ANKLE2: variants seen among roughly 807,000 people sequenced by gnomAD.
The protein encoded by ANKLE2 is ankyrin repeat and LEM domain-containing protein 2.
A neutral mutation model predicts 84.2 loss-of-function variants in ANKLE2; 55 were observed. The observed-to-expected ratio is 0.65, with a 90% CI of 0.53 to 0.82. The LOEUF (loss-of-function observed/expected upper bound fraction) is 0.82, where lower values mean the gene tolerates loss of function less well. Among genes scored for constraint, ANKLE2 ranks in the 40% least tolerant of loss-of-function variants. The pLI, the probability that ANKLE2 is intolerant of heterozygous loss-of-function variation, is 0.00. For synonymous variants in ANKLE2, 551 were observed against 486.1 expected (o/e 1.13, Z -1.76); for missense variants, 1,238 against 1,201.9 (o/e 1.03, Z -0.44).
chr12:132,739,858 A>G (rs1278441493), intron 7 of ANKLE2, among the ~76,000 whole-genome samples: 1 of 152,250 alleles, frequency 6.6e-6, no homozygotes, highest in Non-Finnish European at 1.5e-5. Flanking sequence ...CAGAAGGACC[A>G]GGAAGGAGGT....
intron 10 of ANKLE2, among the ~76,000 whole-genome samples, chr12:132,733,011 A>AC (rs2043917394): frequency 7.5e-6 from 1 of 133,598 alleles, no homozygotes; most frequent in Admixed American, 7.4e-5. Context: ...TCTGATATGC[A>AC]CTGTGTGAAG....
intron 2 of ANKLE2, among the ~76,000 whole-genome samples, chr12:132,752,993 T>TA (rs374135387): frequency 0.31 from 42,528 of 138,960 alleles, 7,115 homozygotes; most frequent in Non-Finnish European, 0.4. Flanking sequence ...CCCAGTCTCT[T>TA]AAAAAAAAAA....
rs984644712 is a variant in ANKLE2, at chr12:132,760,788, T to C, written c.181+830A>G. 3 of 152,192 alleles carry C rather than the reference T, an allele frequency of 2.0e-5. No individual in the cohort carries two copies. The South Asian group carries it at 6.2e-4, about 31-fold the overall frequency. The allele number at this position is 152,192 out of a possible 1,614,324, so 9.4% of individuals were successfully genotyped here. A position where few individuals can be genotyped will look rare whatever the true frequency, so the allele number is the denominator to read the frequency against. ...CAGGAACTTCATTTCACAGGCGTGATTCATCAGCCACTGGTGATCAACGCA... is the reference window on the plus strand; with the variant it reads ...CAGGAACTTCATTTCACAGGCGTGACTCATCAGCCACTGGTGATCAACGCA... On this transcript the variant is annotated intron_variant, in intron 1 of 12. Coordinates refer to ENST00000357997, the MANE Select transcript of ANKLE2 (RefSeq NM_015114.3).
chr12:132,734,594 A>T lies in ANKLE2; in HGVS notation c.1701-19T>A. 1 of 1,587,384 alleles carries T rather than the reference A, an allele frequency of 6.3e-7. No homozygotes were observed. Among genetic ancestry groups the T allele is most frequent in the Non-Finnish European group, 8.6e-7 (1 of 1,168,824 alleles). The stretch of plus-strand genomic sequence containing the variant: ...TAGCTCCCTGTAAGAAACAAAACAC[A>T]ATTAACCAGCTGTGAAACCAGAAAA... On this transcript the variant is annotated intron_variant, in intron 9 of 12. Coordinates refer to ENST00000357997, the MANE Select transcript of ANKLE2 (RefSeq NM_015114.3).
intron 1 of ANKLE2, chr12:132,761,162 CCT>C (rs2044615521): frequency 6.5e-6 from 1 of 154,738 alleles, no homozygotes; most frequent in Admixed American, 6.5e-5. Flanking sequence ...GCCCCAAACC[CCT>C]GAGTTACATT....
intron 1 of ANKLE2, chr12:132,760,020 G>A (rs2136193089): frequency 6.6e-6 from 1 of 151,786 alleles, no homozygotes; most frequent in South Asian, 2.1e-4. Flanking sequence ...TGTAATCCCA[G>A]CTACTCGGGA....
intron 12 of ANKLE2, 59 bp from the exon 13 acceptor site, chr12:132,727,502 A>C (rs939316833): frequency 2.1e-6 from 3 of 1,440,986 alleles, no homozygotes; most frequent in South Asian, 2.5e-5. Flanking sequence ...ATGAACAGCA[A>C]AAGTCGGAGA....
At position 132,761,696 on chromosome 12, in the gene ANKLE2, G is replaced by C. The variant is rs1593192818; in HGVS notation, c.103C>G (p.Leu35Val). The C allele has an allele frequency of 1.5e-6, 2 of 1,348,698 alleles. No individual in the cohort carries two copies. Among genetic ancestry groups the C allele is most frequent in the Non-Finnish European group, 1.9e-6 (2 of 1,042,452 alleles). The allele number at this position is 1,348,698 out of a possible 1,614,324, so 83.5% of individuals were successfully genotyped here. The change falls in exon 1 of 13, where the codon CTG becomes GTG. Residue 35 changes from leucine to valine, a missense_variant. By Grantham distance (32) the Leu-to-Val change is conservative. Transcript: ENST00000357997. ...CCCAGACCTCCCGGCCGCGGGCCCA[G>C]CCGCCGCACCAGCCACCGCACAGCG... ...LIAVRWLVRR[L>V]GPRPGGLGRS... is the part of the protein sequence containing the mutation.
chr12:132,751,250 A>AT (rs945134583), intron 2 of ANKLE2: 322 of 151,250 alleles, frequency 2.1e-3, no homozygotes, highest in South Asian at 3.2e-3. Context: ...TTTTTACTTT[A>AT]TTTTTTTTTT....
chr12:132,731,492 C>G (rs1281431550), intron 10 of ANKLE2: 1 of 151,814 alleles, frequency 6.6e-6, no homozygotes, highest in Non-Finnish European at 1.5e-5. Flanking sequence ...TCTATTATGA[C>G]CTTACACACA....
Position 132,743,068 on chromosome 12 carries a change from T to A in ANKLE2, c.1353+86A>T. 5.2e-6 allele frequency: 7 copies of A among 1,335,268 alleles called. No individual in the cohort carries two copies. Among genetic ancestry groups the A allele is most frequent in the Non-Finnish European group, 7.0e-6 (7 of 995,672 alleles). 82.7% of individuals were successfully genotyped at this position (1,335,268 alleles called of 1,614,324 possible). ...CAACTCATACAGAGCTCCTTGTGGCTTCCCTGTGCCTGTGATCACAGACTG... is the reference window on the plus strand; with the variant it reads ...CAACTCATACAGAGCTCCTTGTGGCATCCCTGTGCCTGTGATCACAGACTG... On this transcript the variant is annotated intron_variant, in intron 6 of 12. Transcript: ENST00000357997. The surrounding 1 kb of genome is among the most constrained non-coding windows in gnomAD (Gnocchi z 4.1).
At chr12:132,761,423 G>A (rs1012040325) in intron 1 of ANKLE2, 195 bp downstream of exon 1, 1 of 419,154 alleles carries the variant, frequency 2.4e-6, no homozygotes, top group Non-Finnish European at 3.9e-6. Flanking sequence ...CTCCGCCCCC[G>A]GCCCGGGAAG....
intron 1 of ANKLE2, chr12:132,761,107 G>C (rs1299460223): frequency 6.5e-6 from 1 of 152,738 alleles, no homozygotes; most frequent in African/African-American, 2.4e-5. Flanking sequence ...AGACCCGACA[G>C]TCTACCGCAA....
At chr12:132,749,008 C>G (rs1483928619) in intron 3 of ANKLE2, 1 of 151,952 alleles carries the variant, frequency 6.6e-6, no homozygotes, top group African/African-American at 2.4e-5. Flanking sequence ...CCACACCCGG[C>G]CAGTGAACTC....
At chr12:132,732,626 GAT>G (rs2043894635) in intron 10 of ANKLE2, among the ~76,000 whole-genome samples, 6 of 121,042 alleles carry the variant, frequency 5.0e-5, no homozygotes, top group Admixed American at 1.8e-4. Context: ...CCTGGTGTCT[GAT>G]ACGCACCGTG....
At position 132,736,998 on chromosome 12, in the gene ANKLE2, GGACCACAGCTCCCC is replaced by G; in HGVS notation, c.1474_1487del (p.Gly492ProfsTer6). On this transcript the variant is annotated frameshift_variant, in exon 8 of 13. Transcript: ENST00000357997. LOFTEE classifies it high-confidence loss of function. ...GAGAGGCCTCAGCCGTCTGGTCTGG[GGACCACAGCTCCCC>G]GATGACTGGAGAAGAAGTCTCTTCC... 1 of 1,613,500 alleles carries G rather than the reference GGACCACAGCTCCCC, an allele frequency of 6.2e-7. No homozygotes were observed. The highest frequency in any genetic ancestry group is 8.5e-7 in the Non-Finnish European group (1 of 1,179,596).
intron 5 of ANKLE2, among the ~76,000 whole-genome samples, chr12:132,744,308 T>C (rs560808355): frequency 6.6e-6 from 1 of 152,266 alleles, no homozygotes; most frequent in South Asian, 2.1e-4. Flanking sequence ...ACAGAATTCA[T>C]TTACACCTAG....
intron 9 of ANKLE2, chr12:132,735,161 A>C: frequency 1.9e-6 from 1 of 539,908 alleles, no homozygotes. Flanking sequence ...TCCCAGAACC[A>C]ACAAGGAATT....
chr12:132,747,627 GACA>G (rs2044266534), intron 5 of ANKLE2, among the ~76,000 whole-genome samples: 1 of 152,176 alleles, frequency 6.6e-6, no homozygotes, highest in African/African-American at 2.4e-5. Flanking sequence ...CACACACGAC[GACA>G]ATGCAGGGGC....
Sources: gnomAD v4.1 joint callset for allele counts (sites outside exome capture counted in the v4.1 genomes callset) on GRCh38, gnomAD v4.1.1 for gene constraint, Gnocchi (gnomAD v3.1) non-coding constraint, MANE v1.5 for transcripts, NCBI Gene and HGNC (gene_info 2026-07-23, HGNC 2026-07-21) for gene names.